CRACR2A: variants seen among roughly 807,000 people sequenced by gnomAD.
CRACR2A encodes the protein calcium release activated channel regulator 2A.
Under a neutral mutation model 90.5 loss-of-function variants are expected in CRACR2A, and 79 were observed. The observed-to-expected ratio is 0.87, with a 90% CI of 0.73 to 1.05. CRACR2A has a LOEUF of 1.05. Among genes scored for constraint, CRACR2A ranks in the 50% least tolerant of loss-of-function variants. The probability of loss-of-function intolerance (pLI) is 0.00; values close to 1 mark genes in which losing one functional copy is unlikely to be tolerated. For missense variants in CRACR2A, 823 were observed against 897.2 expected (o/e 0.92, Z 1.06); for synonymous variants, 338 against 356.7 (o/e 0.95, Z 0.59).
Position 3,633,746 on chromosome 12 carries a change from G to C in CRACR2A, c.1603-10C>G, listed in dbSNP as rs1477812832. Reference sequence around the variant, plus strand: ...AGGGAGAGCTTTCCTCCTGTGGATGGCACACAATCTGACCAACTGCAGGGA... The same window carrying C: ...AGGGAGAGCTTTCCTCCTGTGGATGCCACACAATCTGACCAACTGCAGGGA... On this transcript the variant is annotated splice_polypyrimidine_tract_variant and intron_variant, in intron 14 of 19. Transcript: ENST00000440314. The surrounding 1 kb of genome is among the most constrained non-coding windows in gnomAD (Gnocchi z 4.5). 15 of 1,551,512 alleles carry C rather than the reference G, an allele frequency of 9.7e-6. No homozygotes were observed. The highest frequency in any genetic ancestry group is 3.9e-5 in the Admixed American group (2 of 51,000).
At chr12:3,673,409 CAT>C in intron 7 of CRACR2A, 35 bp downstream of exon 7, 2 of 1,586,508 alleles carry the variant, frequency 1.3e-6, no homozygotes, top group Non-Finnish European at 1.7e-6. Flanking sequence ...CTTTTTCACA[CAT>C]AGTTACAGAA....
chr12:3,657,178 C>T (rs1277985605), intron 8 of CRACR2A, among the ~76,000 whole-genome samples: 1 of 152,258 alleles, frequency 6.6e-6, no homozygotes, highest in African/African-American at 2.4e-5. Context: ...CTTCATCCAA[C>T]CAACTTGCTT....
Position 3,656,382 on chromosome 12 carries a change from T to C in CRACR2A, c.787A>G (p.Ser263Gly). The C allele has an allele frequency of 6.2e-7, 1 of 1,614,134 alleles. No homozygotes were observed. Among genetic ancestry groups the C allele is most frequent in the South Asian group, 1.1e-5 (1 of 91,088 alleles). ...AACAGTTTCTGCTCCAGCTCTTGAC[T>C]GCGGGCTTGAAACCTCTCTGTGTCC... The part of the protein sequence containing the change: ...LKDTERFQAR[S>G]QELEQKLLCK... The change falls in exon 9 of 20, where the codon AGT becomes GGT. Residue 263 changes from serine to glycine, a missense_variant. Physicochemically the swap from Ser to Gly is moderately conservative, Grantham distance 56. Transcript: ENST00000440314.
intron 13 of CRACR2A, among the ~76,000 whole-genome samples, chr12:3,639,149 A>G (rs1445067259): frequency 6.6e-6 from 1 of 152,168 alleles, no homozygotes; most frequent in Non-Finnish European, 1.5e-5. Flanking sequence ...CCCCCTAGAC[A>G]AGAGGCTTTG....
intron 1 of CRACR2A, among the ~76,000 whole-genome samples, chr12:3,736,194 A>C (rs1344132221): frequency 6.6e-6 from 1 of 151,866 alleles, no homozygotes; most frequent in Non-Finnish European, 1.5e-5. Context: ...CTATGACCCC[A>C]ACAAGTACAG....
chr12:3,621,583 G>A (rs1204642379), intron 17 of CRACR2A, among the ~76,000 whole-genome samples: 1 of 136,542 alleles, frequency 7.3e-6, no homozygotes, highest in African/African-American at 2.8e-5. Context: ...CCTGGGAGGC[G>A]GAGCTTGCAG....
chr12:3,641,660 G>A (rs1204303961), intron 13 of CRACR2A, 72 bp downstream of exon 13: 6 of 1,383,168 alleles, frequency 4.3e-6, no homozygotes, highest in Admixed American at 2.0e-5. Context: ...AGCAGGCACT[G>A]AGTATGGGCC....
intron 2 of CRACR2A, chr12:3,727,340 AT>A (rs1347175094): frequency 6.6e-6 from 1 of 152,150 alleles, no homozygotes; most frequent in Non-Finnish European, 1.5e-5. Context: ...ATTTCTTATC[AT>A]TGTACTACAA....
intron 3 of CRACR2A, among the ~76,000 whole-genome samples, chr12:3,705,641 T>C (rs1945905381): frequency 6.6e-6 from 1 of 152,184 alleles, no homozygotes. Flanking sequence ...AGTGATTAAC[T>C]CGGAGCTGGC....
rs1181033615 is a variant in CRACR2A at position 3,746,515 on chromosome 12, C to T, written c.-387+6500G>A. On this transcript the variant is annotated intron_variant, in intron 1 of 19. Coordinates refer to ENST00000440314, the MANE Select transcript of CRACR2A (RefSeq NM_001144958.2). The surrounding 1 kb of genome is among the most constrained non-coding windows in gnomAD (Gnocchi z 4.4). ...GCAAGCCAAGGAGAGAACCTTCACC[C>T]ACCAAACTGGCACCATGATGTTAGA... Among the ~76,000 whole-genome samples the T allele has an allele frequency of 3.3e-5, 5 of 152,198 alleles. No individual in the cohort carries two copies. The highest frequency in any genetic ancestry group is 5.9e-5 in the Non-Finnish European group (4 of 68,034).
intron 2 of CRACR2A, among the ~76,000 whole-genome samples, chr12:3,724,319 G>A (rs905868811): frequency 3.3e-5 from 5 of 152,190 alleles, no homozygotes; most frequent in African/African-American, 1.2e-4. Context: ...ACACCCTCTA[G>A]GCTCCTGCTG....
intron 6 of CRACR2A, 76 bp downstream of exon 6, chr12:3,678,839 G>A: frequency 1.4e-6 from 2 of 1,462,086 alleles, no homozygotes; most frequent in Non-Finnish European, 1.9e-6. Context: ...GTTAACAAAT[G>A]TTAATTGTTG....
intron 3 of CRACR2A, among the ~76,000 whole-genome samples, chr12:3,703,767 T>C (rs1005747637): frequency 1.3e-5 from 2 of 152,158 alleles, no homozygotes; most frequent in African/African-American, 4.8e-5. Context: ...GGCAAAACAT[T>C]TGAACAGGCA....
intron 7 of CRACR2A, among the ~76,000 whole-genome samples, chr12:3,662,900 T>C (rs1483009202): frequency 6.6e-6 from 1 of 152,256 alleles, no homozygotes; most frequent in Non-Finnish European, 1.5e-5. Flanking sequence ...TGTTTGCTTA[T>C]CATATACATC....
intron 4 of CRACR2A, among the ~76,000 whole-genome samples, chr12:3,685,823 GA>G (rs1220594362): frequency 6.6e-6 from 1 of 152,216 alleles, no homozygotes; most frequent in Non-Finnish European, 1.5e-5. Flanking sequence ...GGTTGCAGAA[GA>G]AAGTGAATGT....
chr12:3,624,983 T>C (rs1222475144), intron 17 of CRACR2A, among the ~76,000 whole-genome samples: 1 of 150,326 alleles, frequency 6.7e-6, no homozygotes, highest in Non-Finnish European at 1.5e-5. Flanking sequence ...GAGAAGGCCC[T>C]GGCCCCTGGC....
intron 7 of CRACR2A, among the ~76,000 whole-genome samples, chr12:3,660,876 AC>A (rs1565479244): frequency 8.9e-6 from 1 of 112,874 alleles, no homozygotes; most frequent in African/African-American, 3.0e-5. Flanking sequence ...ACACACACAC[AC>A]ACACACACAC....
intron 4 of CRACR2A, among the ~76,000 whole-genome samples, chr12:3,686,624 G>A (rs563056504): frequency 1.3e-5 from 2 of 152,176 alleles, no homozygotes; most frequent in East Asian, 1.9e-4. Context: ...GCTCTCTGTA[G>A]CCTTTTCCTC....
intron 11 of CRACR2A, among the ~76,000 whole-genome samples, chr12:3,644,864 A>G (rs149641241): frequency 8.5e-5 from 13 of 152,202 alleles, no homozygotes; most frequent in African/African-American, 2.9e-4. Context: ...CCCTTGAGAC[A>G]CCCGTGGCCC....
Sources: gnomAD v4.1 joint callset for allele counts (sites outside exome capture counted in the v4.1 genomes callset) on GRCh38, gnomAD v4.1.1 for gene constraint, Gnocchi (gnomAD v3.1) non-coding constraint, MANE v1.5 for transcripts, NCBI Gene and HGNC (gene_info 2026-07-23, HGNC 2026-07-21) for gene names.